Variants in TRIO observed in about 807,000 individuals in gnomAD.
TRIO encodes trio Rho guanine nucleotide exchange factor.
A neutral mutation model predicts 351.9 loss-of-function variants in TRIO; 58 were observed. The ratio of observed to expected loss-of-function variants is 0.16; its 90% CI spans 0.13 to 0.21. The LOEUF (loss-of-function observed/expected upper bound fraction) is 0.21. Ranked by LOEUF, TRIO falls within the 10% of genes least tolerant of loss-of-function variation. TRIO has a pLI of 1.00. For synonymous variants in TRIO, 1,758 were observed against 1,595.7 expected, an observed-to-expected ratio of 1.10 and a Z score of -2.42; for missense variants, 3,201 against 4,027.8, an observed-to-expected ratio of 0.79 and a Z score of 5.56.
intron 21 of TRIO, among the ~76,000 whole-genome samples, chr5:14,384,702 A>T (rs1308377553): frequency 1.3e-5 from 2 of 152,202 alleles, no homozygotes; most frequent in African/African-American, 2.4e-5. Context: ...GATATTTTTT[A>T]TATCCTCGTA....
intron 1 of TRIO, among the ~76,000 whole-genome samples, chr5:14,206,604 C>A (rs1480590854): frequency 6.6e-6 from 1 of 152,182 alleles, no homozygotes; most frequent in African/African-American, 2.4e-5. Flanking sequence ...ATGTGCCTAA[C>A]CTGACAGTTG....
At chr5:14,185,967 CT>C (rs1561178306) in intron 1 of TRIO, among the ~76,000 whole-genome samples, 1 of 152,158 alleles carries the variant, frequency 6.6e-6, no homozygotes, top group Non-Finnish European at 1.5e-5. Flanking sequence ...TAGTTGTGCC[CT>C]AGTAAATGTT....
intron 1 of TRIO, among the ~76,000 whole-genome samples, chr5:14,266,863 G>C (rs1183416538): frequency 6.6e-6 from 1 of 152,176 alleles, no homozygotes; most frequent in Non-Finnish European, 1.5e-5. Flanking sequence ...ACTTGGTTCA[G>C]AAGCATATTT....
intron 8 of TRIO, among the ~76,000 whole-genome samples, chr5:14,307,036 G>T (rs1581581551): frequency 1.3e-5 from 2 of 152,278 alleles, no homozygotes; most frequent in African/African-American, 2.4e-5. Flanking sequence ...TGAACTGGAT[G>T]AACTGAAAGG....
At chr5:14,162,581 T>G (rs548071869) in intron 1 of TRIO, among the ~76,000 whole-genome samples, 4 of 152,354 alleles carry the variant, frequency 2.6e-5, no homozygotes, top group Admixed American at 2.0e-4. Context: ...ACTTTGCTTG[T>G]ATATTTTCCC....
chr5:14,156,394 A>G (rs1386105685), intron 1 of TRIO, among the ~76,000 whole-genome samples: 1 of 152,200 alleles, frequency 6.6e-6, no homozygotes, highest in African/African-American at 2.4e-5. Flanking sequence ...GCCTCTCAGT[A>G]GACAGAGCTA....
At chr5:14,246,593 CTCT>C (rs1350181219) in intron 1 of TRIO, among the ~76,000 whole-genome samples, 2 of 152,204 alleles carry the variant, frequency 1.3e-5, no homozygotes, top group Non-Finnish European at 2.9e-5. Context: ...ACTGGAAGCC[CTCT>C]TCTTCCCAGC....
rs1750007894 is a variant in TRIO at position 14,420,252 on chromosome 5, T to C, written c.5203+231T>C. 1.7e-5 allele frequency: 10 copies of C among 588,998 alleles called. No individual in the cohort carries two copies. The Admixed American group carries it at 1.9e-4, about 11-fold the overall frequency. The allele number at this position is 588,998 out of a possible 1,614,324, so 36.5% of individuals were successfully genotyped here. On this transcript the variant is annotated intron_variant, in intron 34 of 56. Coordinates refer to ENST00000344204, the MANE Select transcript of TRIO (RefSeq NM_007118.4). ...AGTGATCTCCTCACTTCCAGGGCGG[T>C]GTAGTGAGATATGACATCAGTTTAG...
intron 42 of TRIO, 79 bp downstream of exon 42, chr5:14,479,429 T>C (rs1291047872): frequency 7.6e-7 from 1 of 1,314,058 alleles, no homozygotes; most frequent in Non-Finnish European, 1.1e-6. Context: ...GTATCATTGG[T>C]TTCCCAGGAG....
At chr5:14,205,008 C>T (rs1791369140) in intron 1 of TRIO, among the ~76,000 whole-genome samples, 1 of 152,194 alleles carries the variant, frequency 6.6e-6, no homozygotes, top group East Asian at 1.9e-4. Context: ...GTTCCTCTTC[C>T]AAGCTCTTTT....
chr5:14,453,476 G>A (rs1403753651), intron 34 of TRIO, among the ~76,000 whole-genome samples: 1 of 152,230 alleles, frequency 6.6e-6, no homozygotes, highest in Non-Finnish European at 1.5e-5. Context: ...CACAGTTGAT[G>A]TAAATACAAT....
At chr5:14,499,923 C>T (rs748649691) in intron 53 of TRIO, among the ~76,000 whole-genome samples, 29 of 151,696 alleles carry the variant, frequency 1.9e-4, no homozygotes, top group Non-Finnish European at 3.5e-4. Context: ...TGGTGGCAAG[C>T]GCCTGTAGTC....
At chr5:14,318,871 A>G (rs1338891659) in intron 9 of TRIO, among the ~76,000 whole-genome samples, 1 of 152,224 alleles carries the variant, frequency 6.6e-6, no homozygotes, top group East Asian at 1.9e-4. Flanking sequence ...ACTTCCCAAG[A>G]GGGGGCCTCA....
intron 8 of TRIO, among the ~76,000 whole-genome samples, chr5:14,308,698 C>T (rs557323617): frequency 8.5e-6 from 1 of 117,088 alleles, no homozygotes; most frequent in South Asian, 2.5e-4. Flanking sequence ...TTCTCCTAAT[C>T]ACCCAACCAC....
At chr5:14,496,345 C>G (rs1484094829) in intron 49 of TRIO, among the ~76,000 whole-genome samples, 2 of 152,142 alleles carry the variant, frequency 1.3e-5, no homozygotes, top group African/African-American at 4.8e-5. Context: ...GGGAGACTGG[C>G]AAGTCCAAAT....
intron 1 of TRIO, among the ~76,000 whole-genome samples, chr5:14,147,866 A>G (rs1581229896): frequency 6.6e-6 from 1 of 152,230 alleles, no homozygotes; most frequent in African/African-American, 2.4e-5. Flanking sequence ...TTGTATTACA[A>G]AGTGGGTCCT....
intron 34 of TRIO, among the ~76,000 whole-genome samples, chr5:14,423,466 A>C (rs1240859015): frequency 2.0e-5 from 3 of 152,206 alleles, no homozygotes; most frequent in Non-Finnish European, 2.9e-5. Flanking sequence ...AGTCTTGGTC[A>C]CAGGAAGTAA....
rs200817253 is a variant in TRIO, at chr5:14,297,751, G to A, written c.1368+488G>A. Among the ~76,000 whole-genome samples, 5 of 152,148 alleles carry A rather than the reference G, an allele frequency of 3.3e-5. No individual in the cohort carries two copies. In the East Asian group the frequency reaches 5.8e-4, roughly 18 times the overall value. On this transcript the variant is annotated intron_variant, in intron 7 of 56. Transcript: ENST00000344204. Reference sequence around the variant, plus strand: ...CTCACAAACTGCGAAGTTCTAAGGCGAAGGCACCTCTAGCTGCACGGCTAT... The same window carrying A: ...CTCACAAACTGCGAAGTTCTAAGGCAAAGGCACCTCTAGCTGCACGGCTAT...
chr5:14,481,111 A>G (rs1755478504), intron 43 of TRIO, 123 bp from the exon 44 acceptor site: 1 of 982,308 alleles, frequency 1.0e-6, no homozygotes, highest in South Asian at 1.8e-5. Flanking sequence ...GGATCACTTG[A>G]GGCCAGGAGT....
Sources: gnomAD v4.1 joint callset for allele counts (sites outside exome capture counted in the v4.1 genomes callset) on GRCh38, gnomAD v4.1.1 for gene constraint, MANE v1.5 for transcripts, NCBI Gene and HGNC (gene_info 2026-07-23, HGNC 2026-07-21) for gene names.